The following USP14 variants were observed in gnomAD, a reference collection of about 807,000 sequenced individuals.
USP14 encodes the protein ubiquitin specific peptidase 14, also known as ubiquitin carboxyl-terminal hydrolase 14.
USP14 carries 38 observed loss-of-function variants against 76.5 expected under a neutral mutation model. That is an observed-to-expected ratio of 0.50 (90% CI 0.38 to 0.65). The LOEUF (loss-of-function observed/expected upper bound fraction) is 0.65, where lower values mean the gene tolerates loss of function less well. USP14 is among the 30% of genes least tolerant of loss of function. The pLI, the probability that USP14 is intolerant of heterozygous loss-of-function variation, is 0.00. For missense variants in USP14, 467 were observed against 586.5 expected, an observed-to-expected ratio of 0.80 and a Z score of 2.10; for synonymous variants, 192 against 191.7, an observed-to-expected ratio of 1.00 and a Z score of -0.01.
intron 5 of USP14, among the ~76,000 whole-genome samples, chr18:183,052 C>T (rs1909828688): frequency 6.6e-6 from 1 of 152,188 alleles, no homozygotes; most frequent in South Asian, 2.1e-4. Flanking sequence ...TATTCTTCAA[C>T]AGTTTTTATT....
At chr18:172,461 T>C (rs2144222352) in intron 3 of USP14, among the ~76,000 whole-genome samples, 1 of 152,284 alleles carries the variant, frequency 6.6e-6, no homozygotes, top group East Asian at 1.9e-4. Context: ...AGCAGCAGGA[T>C]TTGAGAGGTT....
chr18:188,409 A>G (rs1156400155), intron 5 of USP14, among the ~76,000 whole-genome samples: 5 of 152,008 alleles, frequency 3.3e-5, no homozygotes, highest in South Asian at 2.1e-4. Flanking sequence ...TATTCTTTCA[A>G]TATATAGCGC....
At chr18:178,819 T>A (rs1269176605) in intron 3 of USP14, 114 bp from the exon 4 acceptor site, 1 of 717,290 alleles carries the variant, frequency 1.4e-6, no homozygotes, top group East Asian at 2.9e-5. Context: ...GATTTACTTT[T>A]TTTGGCAAAT....
chr18:185,114 A>C (rs1909892508), intron 5 of USP14, among the ~76,000 whole-genome samples: 2 of 152,108 alleles, frequency 1.3e-5, no homozygotes, highest in South Asian at 4.2e-4. Context: ...ACACAGCGTT[A>C]ACAGTTACTA....
chr18:172,581 ATTG>A (rs1034622364), intron 3 of USP14, among the ~76,000 whole-genome samples: 14 of 152,226 alleles, frequency 9.2e-5, no homozygotes, highest in Middle Eastern at 3.4e-3. Context: ...GGCAGGTTTC[ATTG>A]TTGTCTCATT....
Position 214,536 on chromosome 18 carries a change from T to C in USP14, c.*3252T>C, listed in dbSNP as rs972245156. On this transcript the variant is annotated 3_prime_UTR_variant, in exon 16 of 16. Transcript: ENST00000261601. ...GTACAACAATTGTTATAAAAATGTT[T>C]ATTGTTTACCAAAACCAGTGGACCT... is the stretch of plus-strand genomic sequence containing the variant. 1.2e-5 allele frequency: 13 copies of C among 1,046,228 alleles called. No individual in the cohort carries two copies. The highest frequency in any genetic ancestry group is 1.6e-5 in the South Asian group (1 of 62,522). 64.8% of individuals were successfully genotyped at this position (1,046,228 alleles called of 1,614,324 possible).
Position 203,201 on chromosome 18 carries a change from A to AAC in USP14, c.1035+12_1035+13dup, listed in dbSNP as rs949308232. 3 of 1,600,178 alleles carry AAC rather than the reference A, an allele frequency of 1.9e-6. No individual in the cohort carries two copies. The highest frequency in any genetic ancestry group is 2.6e-6 in the Non-Finnish European group (3 of 1,172,446). On this transcript the variant is annotated intron_variant, in intron 12 of 15. Transcript: ENST00000261601. The stretch of plus-strand genomic sequence containing the variant: ...GCCAAAGTTCTTAAGGTTAGTAATG[A>AAC]ACTTTACTTTGTATAAGAAATGTAA...
At chr18:173,420 T>C (rs567302248) in intron 3 of USP14, among the ~76,000 whole-genome samples, 2 of 151,410 alleles carry the variant, frequency 1.3e-5, no homozygotes, top group African/African-American at 4.9e-5. Flanking sequence ...CTATATTGTC[T>C]GTTTTTTTGA....
At position 173,604 on chromosome 18, in the gene USP14, G is replaced by T. The variant is rs1909538920; in HGVS notation, c.196-5329G>T. Reference sequence around the variant, plus strand: ...TTGTTTGTATTTTTTTTAGTATGTTGTTGGTCAGACTGGTCTCCATGTTGG... The same window carrying T: ...TTGTTTGTATTTTTTTTAGTATGTTTTTGGTCAGACTGGTCTCCATGTTGG... On this transcript the variant is annotated intron_variant, in intron 3 of 15. Transcript: ENST00000261601. 3.3e-5 allele frequency among the ~76,000 whole-genome samples: 5 copies of T among 151,618 alleles called. No individual in the cohort carries two copies. The South Asian group carries it at 1.0e-3, about 32-fold the overall frequency.
At chr18:194,658 C>T (rs550999081) in intron 6 of USP14, among the ~76,000 whole-genome samples, 5 of 152,088 alleles carry the variant, frequency 3.3e-5, no homozygotes, top group African/African-American at 9.7e-5. Flanking sequence ...GGGCTGGGTG[C>T]GGTGGCTCAT....
intron 6 of USP14, 120 bp downstream of exon 6, chr18:193,020 A>G (rs1261999831): frequency 5.8e-5 from 37 of 638,576 alleles, no homozygotes; most frequent in East Asian, 5.1e-4. Context: ...CCTGGAGTGT[A>G]CATTATACTT....
At chr18:203,365 T>C (rs1910435582) in intron 12 of USP14, among the ~76,000 whole-genome samples, 175 bp downstream of exon 12, 2 of 152,166 alleles carry the variant, frequency 1.3e-5, no homozygotes, top group African/African-American at 4.8e-5. Context: ...TTATCTATTG[T>C]CTTTTTTATT....
chr18:178,391 C>T (rs1909688975), intron 3 of USP14, among the ~76,000 whole-genome samples: 2 of 152,070 alleles, frequency 1.3e-5, no homozygotes, highest in South Asian at 4.1e-4. Context: ...GAGGAATTCC[C>T]TCTGCTTCAA....
At chr18:206,102 G>A (rs1179173687) in intron 13 of USP14, among the ~76,000 whole-genome samples, 4 of 152,190 alleles carry the variant, frequency 2.6e-5, no homozygotes, top group Non-Finnish European at 5.9e-5. Context: ...AGATTGCATG[G>A]TAGTTGCATG....
rs940577805 is a variant in USP14 at position 213,987 on chromosome 18, A to ATAGAT, written c.*2704_*2708dup. ...CAAGATAGATAGATTAGATAGATAG[A>ATAGAT]TAGATAGATAGATGATGATTGATTG... is the stretch of plus-strand genomic sequence containing the variant. On this transcript the variant is annotated 3_prime_UTR_variant, in exon 16 of 16. Transcript: ENST00000261601. 6.6e-6 allele frequency: 1 copy of ATAGAT among 150,698 alleles called. No homozygotes were observed. Among genetic ancestry groups the ATAGAT allele is most frequent in the East Asian group, 2.0e-4 (1 of 4,902 alleles). The allele number at this position is 150,698 out of a possible 1,614,324, so 9.3% of individuals were successfully genotyped here.
At chr18:159,610 A>G (rs1028623807) in intron 1 of USP14, among the ~76,000 whole-genome samples, 4 of 152,210 alleles carry the variant, frequency 2.6e-5, no homozygotes, top group African/African-American at 9.7e-5. Context: ...AATCAAGAGT[A>G]TTGTTTGATC....
intron 5 of USP14, among the ~76,000 whole-genome samples, chr18:184,591 A>C (rs1041501492): frequency 1.3e-5 from 2 of 152,074 alleles, no homozygotes; most frequent in African/African-American, 2.4e-5. Flanking sequence ...CCACCTCTAC[A>C]AAACAGACAA....
intron 10 of USP14, among the ~76,000 whole-genome samples, 160 bp from the exon 11 acceptor site, chr18:202,720 A>G: frequency 6.6e-6 from 1 of 152,170 alleles, no homozygotes; most frequent in East Asian, 1.9e-4. Flanking sequence ...GTCTTCCCAT[A>G]TTGTCATCAA....
Position 214,605 on chromosome 18 carries a change from T to TAAAAAGAAA in USP14, c.*3327_*3335dup, listed in dbSNP as rs761403758. The TAAAAAGAAA allele has an allele frequency of 8.2e-5, 129 of 1,579,182 alleles. No homozygotes were observed. The highest frequency in any genetic ancestry group is 1.1e-4 in the Non-Finnish European group (128 of 1,163,350). ...GTAACAAAATCTATCACAGTTTTAA[T>TAAAAAGAAA]AAAAAGAAAAAAAAAAGAAGCTAAC... On this transcript the variant is annotated 3_prime_UTR_variant, in exon 16 of 16. Transcript: ENST00000261601.
Sources: gnomAD v4.1 joint callset for allele counts (sites outside exome capture counted in the v4.1 genomes callset) on GRCh38, gnomAD v4.1.1 for gene constraint, MANE v1.5 for transcripts, NCBI Gene and HGNC (gene_info 2026-07-23, HGNC 2026-07-21) for gene names.